Variants in WDR20 observed in about 807,000 individuals in gnomAD.
WDR20 encodes the protein WD repeat-containing protein 20.
In WDR20, 3 loss-of-function variants were observed where a neutral mutation model predicts 38.7. The ratio of observed to expected loss-of-function variants is 0.08; its 90% CI spans 0.04 to 0.20. WDR20 has a LOEUF of 0.20. Among genes scored for constraint, WDR20 ranks in the 10% least tolerant of loss-of-function variants. The pLI is 1.00. For synonymous variants in WDR20, 298 were observed against 285.6 expected (o/e 1.04, Z -0.44); for missense variants, 559 against 727.7 (o/e 0.77, Z 2.67).
intron 1 of WDR20, among the ~76,000 whole-genome samples, chr14:102,158,521 C>T (rs1349242054): frequency 6.6e-6 from 1 of 152,084 alleles, no homozygotes; most frequent in African/African-American, 2.4e-5. Flanking sequence ...TGGTCTCAAA[C>T]TCCTGACCTT....
intron 1 of WDR20, among the ~76,000 whole-genome samples, chr14:102,153,080 G>T (rs943446584): frequency 2.6e-5 from 4 of 152,106 alleles, no homozygotes; most frequent in Non-Finnish European, 5.9e-5. Context: ...ACTTGGTGCT[G>T]CCCTCACGCT....
At chr14:102,193,162 G>A (rs1211924609) in intron 1 of WDR20, among the ~76,000 whole-genome samples, 4 of 141,914 alleles carry the variant, frequency 2.8e-5, no homozygotes, top group Admixed American at 7.3e-5. Flanking sequence ...TGTCTTCCTC[G>A]TTCTGAGATG....
rs773138890 is a variant in WDR20, at chr14:102,177,706, G to A, written c.250-17232G>A. 5.5e-4 allele frequency among the ~76,000 whole-genome samples: 84 copies of A among 152,156 alleles called. 1 individual carries two copies. Among genetic ancestry groups the A allele is most frequent in the Admixed American group, 1.8e-3 (28 of 15,278 alleles). ...TAGCAGGTGATTGATATAAGGAAAGGGGTGGTCTGGAAAGTCTTCAGGCTT... is the reference window on the plus strand; with the variant it reads ...TAGCAGGTGATTGATATAAGGAAAGAGGTGGTCTGGAAAGTCTTCAGGCTT... On this transcript the variant is annotated intron_variant, in intron 1 of 2. Transcript: ENST00000342702.
At chr14:102,177,832 C>T (rs565035814) in intron 1 of WDR20, among the ~76,000 whole-genome samples, 31 of 152,304 alleles carry the variant, frequency 2.0e-4, no homozygotes, top group African/African-American at 7.5e-4. Context: ...TCTACACAAA[C>T]TCCAGTCACC....
At chr14:102,140,622 GA>G (rs2152643391) in intron 1 of WDR20, among the ~76,000 whole-genome samples, 1 of 152,282 alleles carries the variant, frequency 6.6e-6, no homozygotes, top group Admixed American at 6.5e-5. Context: ...CTGTAAGGCG[GA>G]ACCGGGGCCG....
At chr14:102,160,240 T>C (rs2058338995) in intron 1 of WDR20, among the ~76,000 whole-genome samples, 1 of 152,172 alleles carries the variant, frequency 6.6e-6, no homozygotes, top group African/African-American at 2.4e-5. Flanking sequence ...ACAGGAGAGA[T>C]TGGTTTTAAA....
chr14:102,156,414 C>T (rs552933861), intron 1 of WDR20, among the ~76,000 whole-genome samples: 33 of 152,100 alleles, frequency 2.2e-4, no homozygotes, highest in Admixed American at 1.3e-4. Flanking sequence ...GTGATCTGCC[C>T]GCCTCGGCCT....
chr14:102,140,051 A>G lies in WDR20; in HGVS notation c.128A>G (p.Gln43Arg). The G allele has an allele frequency of 6.2e-7, 1 of 1,614,164 alleles. No individual in the cohort carries two copies. Among genetic ancestry groups the G allele is most frequent in the Non-Finnish European group, 8.5e-7 (1 of 1,180,012 alleles). Residue 43 changes from glutamine (Q) to arginine (R), a missense_variant, in exon 1 of 3, where the codon CAG becomes CGG. Physicochemically the swap from Gln to Arg is conservative, Grantham distance 43. Coordinates refer to ENST00000342702, the MANE Select transcript of WDR20 (RefSeq NM_144574.4). ...SRPNRVPFNSQGSNPVRVSFV... is the reference protein window; with the variant it reads ...SRPNRVPFNSRGSNPVRVSFV... ...CCCAACCGGGTGCCCTTCAACTCGC[A>G]GGGATCCAACCCTGTCCGCGTCTCC...
At chr14:102,200,460 TTTTTTTTTGTG>T (rs1390237916) in intron 2 of WDR20, among the ~76,000 whole-genome samples, 1 of 109,226 alleles carries the variant, frequency 9.2e-6, no homozygotes, top group Non-Finnish European at 2.0e-5. Flanking sequence ...TTTTTAAATT[TTTTTTTTTGTG>T]TGTGTGTGTG....
At chr14:102,164,592 T>C (rs1459329239) in intron 1 of WDR20, among the ~76,000 whole-genome samples, 9 of 152,006 alleles carry the variant, frequency 5.9e-5, no homozygotes, top group South Asian at 2.1e-4. Flanking sequence ...GCCAGATCCA[T>C]TGGACACCGC....
At chr14:102,210,613 C>A, downstream of WDR20, 1 of 893,148 alleles carries the variant, frequency 1.1e-6, no homozygotes, top group Non-Finnish European at 1.3e-6. Context: ...GAACTGCGGG[C>A]CGAGGACGCC....
At chr14:102,155,102 T>A (rs1480460566) in intron 1 of WDR20, among the ~76,000 whole-genome samples, 1 of 152,188 alleles carries the variant, frequency 6.6e-6, no homozygotes, top group Non-Finnish European at 1.5e-5. Flanking sequence ...ATATTTTGCC[T>A]TTTGTACGAT....
At chr14:102,194,767 T>C (rs1306122007) in intron 1 of WDR20, among the ~76,000 whole-genome samples, 171 bp from the exon 2 acceptor site, 1 of 152,252 alleles carries the variant, frequency 6.6e-6, no homozygotes, top group Non-Finnish European at 1.5e-5. Context: ...GGCTAAGGTA[T>C]GTGAAAGTGC....
chr14:102,192,360 G>A (rs887780808), intron 1 of WDR20, among the ~76,000 whole-genome samples: 2 of 151,962 alleles, frequency 1.3e-5, no homozygotes, highest in Admixed American at 1.3e-4. Context: ...TTGTGTTTTA[G>A]TAGAGATGGG....
rs1477172428 is a variant in WDR20, at chr14:102,220,715, G to A, written c.1693-2115G>A. Among the ~76,000 whole-genome samples the A allele has an allele frequency of 1.0e-4, 6 of 59,386 alleles. No homozygotes were observed. The highest frequency in any genetic ancestry group is 4.5e-4 in the African/African-American group (6 of 13,320). 39.0% of individuals were successfully genotyped at this position (59,386 alleles called of 152,430 possible). ...AGCCTGGACAACAAAGTGAGACTCC[G>A]TCTCAAAAAAAAAAAAAAAAAAGAA... On this transcript the variant is annotated intron_variant, in intron 3 of 3. Coordinates refer to the WDR20 transcript ENST00000335263. This position sits in a 1 kb window ranked among gnomAD's most constrained non-coding sequence, Gnocchi z 4.2.
At position 102,140,176 on chromosome 14, in the gene WDR20, C is replaced by A. The variant is rs767130443; in HGVS notation, c.249+4C>A. The A allele has an allele frequency of 4.3e-6, 7 of 1,610,494 alleles. No individual in the cohort carries two copies. Among genetic ancestry groups the A allele is most frequent in the Non-Finnish European group, 5.9e-6 (7 of 1,179,870 alleles). On this transcript the variant is annotated splice_donor_region_variant and intron_variant, in intron 1 of 2. Transcript: ENST00000342702. ...TATCTACAAGGGGGTCCGCAAGGTA[C>A]CGACCCGGGCGTCACCGGAGCCAGC...
At chr14:102,148,270 A>G (rs2054384722) in intron 1 of WDR20, among the ~76,000 whole-genome samples, 1 of 152,172 alleles carries the variant, frequency 6.6e-6, no homozygotes, top group Non-Finnish European at 1.5e-5. Flanking sequence ...GTGACAAGTT[A>G]CCTTGGCTCT....
intron 1 of WDR20, among the ~76,000 whole-genome samples, chr14:102,155,965 A>G (rs1001879124): frequency 6.0e-5 from 9 of 149,840 alleles, no homozygotes; most frequent in African/African-American, 2.2e-4. Flanking sequence ...TGTGGAGACA[A>G]AGTCTCACTA....
In WDR20 at chr14:102,207,479, A is replaced by G. The variant is rs2061761740; in HGVS notation, c.433-1124A>G. On this transcript the variant is annotated intron_variant, in intron 2 of 2. Transcript: ENST00000342702. This position sits in a 1 kb window ranked among gnomAD's most constrained non-coding sequence, Gnocchi z 5.0. ...CCTGTGTGCCCAGTACCCCTCTGAG[A>G]CTTGAGTCAGGGACTCCCCACCTGT... 6.6e-6 allele frequency among the ~76,000 whole-genome samples: 1 copy of G among 152,154 alleles called. No individual in the cohort carries two copies. The highest frequency in any genetic ancestry group is 6.5e-5 in the Admixed American group (1 of 15,284).
Sources: allele counts gnomAD v4.1 joint callset (sites outside exome capture counted in the v4.1 genomes callset), GRCh38; gene constraint gnomAD v4.1.1; non-coding constraint Gnocchi (gnomAD v3.1); transcripts MANE v1.5; gene names NCBI Gene and HGNC (gene_info 2026-07-23, HGNC 2026-07-21).